L3MBTL4: variants seen among roughly 807,000 people sequenced by gnomAD.
L3MBTL4 encodes the protein lethal(3)malignant brain tumor-like protein 4.
L3MBTL4 carries 70 observed loss-of-function variants against 84.5 expected under a neutral mutation model. That is an observed-to-expected ratio of 0.83 (90% CI 0.68 to 1.01). L3MBTL4 has a LOEUF of 1.01. L3MBTL4 is among the 50% of genes least tolerant of loss of function. The pLI is 0.00. For missense variants in L3MBTL4, 715 were observed against 754.8 expected, an observed-to-expected ratio of 0.95 and a Z score of 0.62; for synonymous variants, 274 against 259.8, an observed-to-expected ratio of 1.05 and a Z score of -0.52.
At chr18:6,370,510 T>A in intron 1 of L3MBTL4, among the ~76,000 whole-genome samples, 1 of 152,122 alleles carries the variant, frequency 6.6e-6, no homozygotes, top group African/African-American at 2.4e-5. Flanking sequence ...CGCCTCCCGT[T>A]CAGCACAGCA....
intron 16 of L3MBTL4, among the ~76,000 whole-genome samples, chr18:6,061,923 T>C (rs2057236318): frequency 6.6e-6 from 1 of 151,976 alleles, no homozygotes; most frequent in Non-Finnish European, 1.5e-5. Flanking sequence ...TCATCCCTTA[T>C]GTTATTGCCG....
At chr18:6,221,122 A>G (rs2046533074) in intron 10 of L3MBTL4, among the ~76,000 whole-genome samples, 1 of 152,160 alleles carries the variant, frequency 6.6e-6, no homozygotes, top group Non-Finnish European at 1.5e-5. Context: ...TCTAGGAACA[A>G]CAGCCTAAGC....
At chr18:6,100,907 A>C (rs2058803415) in intron 14 of L3MBTL4, among the ~76,000 whole-genome samples, 2 of 152,130 alleles carry the variant, frequency 1.3e-5, no homozygotes, top group South Asian at 4.1e-4. Context: ...CAGGCTCCCC[A>C]TGTGATCTCC....
chr18:5,990,100 G>T (rs572379810), intron 16 of L3MBTL4, among the ~76,000 whole-genome samples: 2 of 152,324 alleles, frequency 1.3e-5, no homozygotes, highest in South Asian at 2.1e-4. Context: ...AGAAGGGCTT[G>T]CATTGTTTCC....
At chr18:6,238,069 C>A (rs770292783) in intron 9 of L3MBTL4, 29 bp from the exon 10 acceptor site, 1 of 1,588,322 alleles carries the variant, frequency 6.3e-7, no homozygotes. Flanking sequence ...ATATTACGTT[C>A]CGTTTTACTT....
chr18:6,060,383 G>T (rs1369902604), intron 16 of L3MBTL4, among the ~76,000 whole-genome samples: 2 of 150,168 alleles, frequency 1.3e-5, no homozygotes, highest in South Asian at 2.1e-4. Flanking sequence ...CGAAGTACTC[G>T]CAATCAGCTT....
intron 10 of L3MBTL4, among the ~76,000 whole-genome samples, chr18:6,231,058 C>T (rs190311982): frequency 1.7e-3 from 263 of 152,146 alleles, no homozygotes; most frequent in Non-Finnish European, 3.5e-3. Context: ...ATTTCTTTTG[C>T]TATGCAGAAG....
intron 12 of L3MBTL4, among the ~76,000 whole-genome samples, chr18:6,173,486 G>A (rs1045654715): frequency 6.6e-6 from 1 of 152,104 alleles, no homozygotes; most frequent in Non-Finnish European, 1.5e-5. Flanking sequence ...CTACAAAAAA[G>A]GGGGAACCAA....
intron 13 of L3MBTL4, among the ~76,000 whole-genome samples, chr18:6,162,051 GA>G (rs1226245331): frequency 6.6e-6 from 1 of 151,112 alleles, no homozygotes; most frequent in African/African-American, 2.4e-5. Context: ...CTAATTTGTT[GA>G]AAAAAGGGAA....
At chr18:6,047,994 ACCTAGAAAAC>A (rs2056693317) in intron 16 of L3MBTL4, among the ~76,000 whole-genome samples, 1 of 152,198 alleles carries the variant, frequency 6.6e-6, no homozygotes, top group Non-Finnish European at 1.5e-5. Context: ...ACGATTCTAC[ACCTAGAAAAC>A]CCTAAAGACT....
At chr18:6,297,616 T>C (rs2050160912) in intron 4 of L3MBTL4, among the ~76,000 whole-genome samples, 1 of 152,242 alleles carries the variant, frequency 6.6e-6, no homozygotes, top group Non-Finnish European at 1.5e-5. Context: ...TTAAAGTTTT[T>C]AGTTCAGGAG....
rs2054415398 is a variant in L3MBTL4 at position 6,005,174 on chromosome 18, T to A, written c.1445-35612A>T. ...GCCTGGCCAACATGGTGAAACCCCATCTCTACTAAAAATACAAAAATTAGC... is the reference window on the plus strand; with the variant it reads ...GCCTGGCCAACATGGTGAAACCCCAACTCTACTAAAAATACAAAAATTAGC... On this transcript the variant is annotated intron_variant, in intron 16 of 18. Coordinates refer to ENST00000317931, the MANE Select transcript of L3MBTL4 (RefSeq NM_001330559.2). Among the ~76,000 whole-genome samples the A allele has an allele frequency of 3.3e-5, 5 of 151,768 alleles. No homozygotes were observed. In the South Asian group the frequency reaches 1.0e-3, roughly 32 times the overall value.
intron 14 of L3MBTL4, among the ~76,000 whole-genome samples, chr18:6,113,011 G>A (rs915050496): frequency 3.3e-5 from 5 of 152,138 alleles, no homozygotes; most frequent in African/African-American, 1.2e-4. Flanking sequence ...TTTCATTAGT[G>A]TTAATGAGCT....
rs572526430 is a variant in L3MBTL4 at position 6,153,266 on chromosome 18, G to A, written c.1097-14970C>T. On this transcript the variant is annotated intron_variant, in intron 13 of 18. Transcript: ENST00000317931. ...TTCTATTTCTGTGAAAAATGCCATT[G>A]GAATTTTGATACAGATTGCACTGAA... Among the ~76,000 whole-genome samples, 13 of 152,218 alleles carry A rather than the reference G, an allele frequency of 8.5e-5. No individual in the cohort carries two copies. In the South Asian group the frequency reaches 2.5e-3, roughly 29 times the overall value.
intron 16 of L3MBTL4, among the ~76,000 whole-genome samples, chr18:6,044,957 C>T (rs2056550521): frequency 6.6e-6 from 1 of 152,212 alleles, no homozygotes; most frequent in African/African-American, 2.4e-5. Context: ...AATAAGCCCT[C>T]AGGCCACCTG....
chr18:6,284,912 T>A (rs2049497716), intron 4 of L3MBTL4, among the ~76,000 whole-genome samples: 2 of 152,112 alleles, frequency 1.3e-5, no homozygotes, highest in Admixed American at 6.5e-5. Flanking sequence ...AGGGAAAACA[T>A]CCACAAGTTG....
intron 1 of L3MBTL4, among the ~76,000 whole-genome samples, chr18:6,381,756 C>T (rs1300966872): frequency 6.6e-6 from 1 of 152,190 alleles, no homozygotes; most frequent in Non-Finnish European, 1.5e-5. Context: ...TCTCTGGCTG[C>T]CCTTAACATT....
At chr18:6,013,565 C>T (rs924834496) in intron 16 of L3MBTL4, among the ~76,000 whole-genome samples, 11 of 152,226 alleles carry the variant, frequency 7.2e-5, no homozygotes, top group African/African-American at 1.2e-4. Flanking sequence ...CCTAGCCCCA[C>T]CCTTGCCCAG....
chr18:6,371,306 A>T (rs1381551596), intron 1 of L3MBTL4, among the ~76,000 whole-genome samples: 1 of 152,180 alleles, frequency 6.6e-6, no homozygotes, highest in Non-Finnish European at 1.5e-5. Context: ...CCATCAGAGA[A>T]CTTGGCAGAA....
Sources: allele counts gnomAD v4.1 joint callset (sites outside exome capture counted in the v4.1 genomes callset), GRCh38; gene constraint gnomAD v4.1.1; transcripts MANE v1.5; gene names NCBI Gene and HGNC (gene_info 2026-07-23, HGNC 2026-07-21).